ACOD1: variants seen among roughly 807,000 people sequenced by gnomAD.
ACOD1 encodes aconitate decarboxylase 1, also known as cis-aconitate decarboxylase.
In ACOD1, 14 loss-of-function variants were observed where a neutral mutation model predicts 14.2. The ratio of observed to expected loss-of-function variants is 0.99; its 90% CI spans 0.65 to 1.54. The LOEUF (loss-of-function observed/expected upper bound fraction) is 1.54, where lower values mean the gene tolerates loss of function less well. Ranked by LOEUF, ACOD1 falls within the 40% of genes most tolerant of loss-of-function variation. The probability of loss-of-function intolerance (pLI) is 0.00; values close to 1 mark genes in which losing one functional copy is unlikely to be tolerated. For missense variants in ACOD1, 530 were observed against 586.3 expected (o/e 0.90, Z 0.99); for synonymous variants, 182 against 221.7 (o/e 0.82, Z 1.59).
chr13:76,953,891 G>T (rs2033847444), intron 3 of ACOD1, among the ~76,000 whole-genome samples: 1 of 152,158 alleles, frequency 6.6e-6, no homozygotes, highest in Non-Finnish European at 1.5e-5. Context: ...CAAACAGATT[G>T]TGTAGCAGAG....
chr13:76,952,156 G>A (rs754890857), intron 1 of ACOD1, among the ~76,000 whole-genome samples: 7 of 152,038 alleles, frequency 4.6e-5, no homozygotes, highest in African/African-American at 9.7e-5. Flanking sequence ...TCACACAGAC[G>A]AGGTGTCCCT....
At chr13:76,952,040 T>C (rs2033826711) in intron 1 of ACOD1, among the ~76,000 whole-genome samples, 1 of 152,216 alleles carries the variant, frequency 6.6e-6, no homozygotes, top group Non-Finnish European at 1.5e-5. Context: ...AATAACTACC[T>C]AGAGACTTGT....
At position 76,957,039 on chromosome 13, in the gene ACOD1, TG is replaced by T; in HGVS notation, c.503del (p.Gly168ValfsTer10). 6.5e-7 allele frequency: 1 copy of T among 1,550,046 alleles called. No homozygotes were observed. Among genetic ancestry groups the T allele is most frequent in the Non-Finnish European group, 8.7e-7 (1 of 1,146,726 alleles). On this transcript the variant is annotated frameshift_variant, in exon 5 of 5. Coordinates refer to ENST00000377462, the MANE Select transcript of ACOD1 (RefSeq NM_001258406.2). LOFTEE classifies it low-confidence loss of function (END_TRUNC). ...CATCCCCCTTCCGTGGTAGGAACGT[TG>T]GGTAGTGCTGCTGCTGCATCCAAGT... Reference protein sequence around the residue: ...RFHPPSVVGTLGSAAAASKFL... With the variant: ...RFHPPSVVGTXGSAAAASKFL...
Position 76,957,579 on chromosome 13 carries a change from TCACTGTC to T in ACOD1, c.1042_1048del (p.Thr348ProfsTer13), listed in dbSNP as rs1370788295. The T allele has an allele frequency of 6.4e-7, 1 of 1,550,640 alleles. No individual in the cohort carries two copies. Among genetic ancestry groups the T allele is most frequent in the East Asian group, 2.4e-5 (1 of 40,922 alleles). The stretch of plus-strand genomic sequence containing the variant: ...TGTGCCATGCTGCTTGATGGTGGCA[TCACTGTC>T]CCCTCATTCCATGAATGCCAGATCA... On this transcript the variant is annotated frameshift_variant, in exon 5 of 5. Transcript: ENST00000377462. LOFTEE classifies it low-confidence loss of function (END_TRUNC).
intron 2 of ACOD1, among the ~76,000 whole-genome samples, chr13:76,953,394 AAG>A (rs1290428867): frequency 6.6e-6 from 1 of 152,180 alleles, no homozygotes; most frequent in Non-Finnish European, 1.5e-5. Flanking sequence ...ATCTAGGATC[AAG>A]CAACGACATC....
In ACOD1 at chr13:76,955,301, T is replaced by G; in HGVS notation, c.265-18T>G. The G allele has an allele frequency of 1.3e-6, 2 of 1,547,552 alleles. No homozygotes were observed. Among genetic ancestry groups the G allele is most frequent in the Non-Finnish European group, 1.7e-6 (2 of 1,145,260 alleles). ...AAAATTTAAGGCTTTTTGTTGCTGT[T>G]TGTGTCTGTTTATACAGATTCACTC... On this transcript the variant is annotated intron_variant, in intron 3 of 4. Transcript: ENST00000377462.
intron 3 of ACOD1, among the ~76,000 whole-genome samples, chr13:76,954,996 G>A (rs1179713870): frequency 6.6e-6 from 1 of 151,064 alleles, no homozygotes; most frequent in Non-Finnish European, 1.5e-5. Context: ...GTGCGGTGGT[G>A]GGCACCTGTT....
Position 76,957,726 on chromosome 13 carries a change from C to T in ACOD1, c.1187C>T (p.Ala396Val). The change falls in exon 5 of 5, where the codon GCC becomes GTC. Residue 396 changes from alanine to valine, a missense_variant. Coordinates refer to ENST00000377462, the MANE Select transcript of ACOD1 (RefSeq NM_001258406.2). The part of the protein sequence containing the change: ...CEISVTLKDG[A>V]TFTDRSDTFY... ...ATAAGTGTCACCCTCAAGGATGGAG[C>T]CACCTTCACAGATCGCTCTGATACC... is the stretch of plus-strand genomic sequence containing the variant. The T allele has an allele frequency of 1.3e-6, 2 of 1,550,676 alleles. No homozygotes were observed. Among genetic ancestry groups the T allele is most frequent in the Non-Finnish European group, 1.7e-6 (2 of 1,147,014 alleles).
Position 76,952,527 on chromosome 13 carries a change from G to A in ACOD1, c.51G>A (p.Leu17=). Residue 17 remains leucine (L), a synonymous_variant, in exon 2 of 5, where the codon TTG becomes TTA. Transcript: ENST00000377462. ...GCTTTGCCACAGCAATCCATGGCTT[G>A]AAAGTGGGACACCTGACAGATCGTG... ...TESFATAIHG[L]KVGHLTDRVI... 2.6e-6 allele frequency: 4 copies of A among 1,550,486 alleles called. No individual in the cohort carries two copies. The highest frequency in any genetic ancestry group is 1.2e-5 in the South Asian group (1 of 84,052).
chr13:76,952,108 A>G (rs1044333199), intron 1 of ACOD1, among the ~76,000 whole-genome samples: 1 of 152,180 alleles, frequency 6.6e-6, no homozygotes, highest in Non-Finnish European at 1.5e-5. Flanking sequence ...CAGGTGTCTC[A>G]TAATAGCAGC....
Position 76,957,360 on chromosome 13 carries a change from T to A in ACOD1, c.821T>A (p.Phe274Tyr). The A allele has an allele frequency of 6.4e-7, 1 of 1,550,642 alleles. No individual in the cohort carries two copies. The highest frequency in any genetic ancestry group is 8.7e-7 in the Non-Finnish European group (1 of 1,147,000). The change falls in exon 5 of 5, where the codon TTT becomes TAT. Residue 274 changes from phenylalanine (F) to tyrosine (Y), a missense_variant. Coordinates refer to ENST00000377462, the MANE Select transcript of ACOD1 (RefSeq NM_001258406.2). ...LDQQDVAFKR[F>Y]PAHLSTHWVA... ...CAGCAGGACGTGGCCTTTAAGCGTT[T>A]TCCTGCACATTTATCTACCCACTGG...
At chr13:76,956,679 A>T (rs1490728958) in intron 4 of ACOD1, among the ~76,000 whole-genome samples, 1 of 151,908 alleles carries the variant, frequency 6.6e-6, no homozygotes, top group Non-Finnish European at 1.5e-5. Flanking sequence ...CATCCGGCAA[A>T]TTTTTGTATT....
chr13:76,951,590 C>G (rs1356038743), intron 1 of ACOD1, among the ~76,000 whole-genome samples: 3 of 152,142 alleles, frequency 2.0e-5, no homozygotes, highest in Non-Finnish European at 4.4e-5. Flanking sequence ...TATTGAGATG[C>G]TTTATATCCT....
chr13:76,950,233 G>T (rs2033809457), intron 1 of ACOD1, among the ~76,000 whole-genome samples: 1 of 152,136 alleles, frequency 6.6e-6, no homozygotes, highest in African/African-American at 2.4e-5. Flanking sequence ...CTACAGCTAA[G>T]ATTTAAAAAT....
In ACOD1 at chr13:76,958,137, C is replaced by T. The variant is rs1321661151; in HGVS notation, c.*152C>T. The T allele has an allele frequency of 1.5e-5, 11 of 744,954 alleles. No homozygotes were observed. Among genetic ancestry groups the T allele is most frequent in the Non-Finnish European group, 2.0e-5 (10 of 494,218 alleles). 46.1% of individuals were successfully genotyped at this position (744,954 alleles called of 1,614,324 possible). Reference sequence around the variant, plus strand: ...TACATATATCTGGAAGGAGCCTTCTCCTGAAAATTTTGCAGGACAGTTCCA... The same window carrying T: ...TACATATATCTGGAAGGAGCCTTCTTCTGAAAATTTTGCAGGACAGTTCCA... On this transcript the variant is annotated 3_prime_UTR_variant, in exon 5 of 5. Transcript: ENST00000377462.
intron 1 of ACOD1, among the ~76,000 whole-genome samples, chr13:76,948,969 T>G (rs1373183556): frequency 6.6e-6 from 1 of 152,122 alleles, no homozygotes; most frequent in Non-Finnish European, 1.5e-5. Context: ...GCTGGACTCA[T>G]AGTAAGAACT....
chr13:76,957,825 T>C lies in ACOD1; in HGVS notation c.1286T>C (p.Met429Thr), dbSNP rs554833779. The C allele has an allele frequency of 3.3e-5, 51 of 1,551,094 alleles. No homozygotes were observed. The East Asian group carries it at 9.0e-4, about 27-fold the overall frequency. ...AAGTTCAGAGCCAATGCCTCCAAGA[T>C]GCTGTCCTGGGACACAGTGGAAAGC... is the stretch of plus-strand genomic sequence containing the variant. ...EEKFRANASK[M>T]LSWDTVESLI... The change falls in exon 5 of 5, where the codon ATG (methionine) becomes ACG (threonine). Residue 429 changes from methionine to threonine, a missense_variant. Coordinates refer to ENST00000377462, the MANE Select transcript of ACOD1 (RefSeq NM_001258406.2).
Position 76,952,622 on chromosome 13 carries a change from T to C in ACOD1, c.146T>C (p.Val49Ala), listed in dbSNP as rs1218668772. 2 of 1,550,318 alleles carry C rather than the reference T, an allele frequency of 1.3e-6. No homozygotes were observed. Among genetic ancestry groups the C allele is most frequent in the South Asian group, 2.4e-5 (2 of 84,000 alleles). ...GGGTTCCTGGGAACCACTACGGAAGTGTTTCACATAGCCAGCCAATATAGC... is the reference window on the plus strand; with the variant it reads ...GGGTTCCTGGGAACCACTACGGAAGCGTTTCACATAGCCAGCCAATATAGC... ...GAGFLGTTTEVFHIASQYSKI... is the reference protein window; with the variant it reads ...GAGFLGTTTEAFHIASQYSKI... The change falls in exon 2 of 5, where the codon GTG (valine) becomes GCG (alanine). Residue 49 changes from valine (V) to alanine (A), a missense_variant. By Grantham distance (64) the Val-to-Ala change is moderately conservative (BLOSUM62 0). Transcript: ENST00000377462.
chr13:76,957,941 T>G lies in ACOD1; in HGVS notation c.1402T>G (p.Ser468Ala). Reference protein sequence around the residue: ...LKGPSPPEVASNSPACNNSIT... With the variant: ...LKGPSPPEVAANSPACNNSIT... ...AGGACCCTCTCCACCAGAGGTAGCT[T>G]CAAACTCTCCAGCATGTAATAATTC... The change falls in exon 5 of 5, where the codon TCA (serine) becomes GCA (alanine). Residue 468 changes from serine to alanine, a missense_variant. Physicochemically the swap from Ser to Ala is moderately conservative, Grantham distance 99. Transcript: ENST00000377462. The G allele has an allele frequency of 6.5e-7, 1 of 1,547,188 alleles. No individual in the cohort carries two copies. Among genetic ancestry groups the G allele is most frequent in the South Asian group, 1.2e-5 (1 of 83,384 alleles).
Sources: allele counts gnomAD v4.1 joint callset (sites outside exome capture counted in the v4.1 genomes callset), GRCh38; gene constraint gnomAD v4.1.1; transcripts MANE v1.5; gene names NCBI Gene and HGNC (gene_info 2026-07-23, HGNC 2026-07-21).